DESI2: variants seen among roughly 807,000 people sequenced by gnomAD.
DESI2 encodes desumoylating isopeptidase 2.
In DESI2, 10 loss-of-function variants were observed where a neutral mutation model predicts 24.1. That is an observed-to-expected ratio of 0.41 (90% CI 0.26 to 0.70). DESI2 has a LOEUF of 0.70. DESI2 is among the 30% of genes least tolerant of loss of function. The pLI, the probability that DESI2 is intolerant of heterozygous loss-of-function variation, is 0.29. For missense variants in DESI2, 122 were observed against 234.9 expected, an observed-to-expected ratio of 0.52 and a Z score of 3.14; for synonymous variants, 71 against 87.7, an observed-to-expected ratio of 0.81 and a Z score of 1.06.
In DESI2 at chr1:244,691,918, T is replaced by A. The variant is rs777337429; in HGVS notation, c.249T>A (p.Asp83Glu). The A allele has an allele frequency of 2.5e-6, 4 of 1,600,102 alleles. No individual in the cohort carries two copies. The highest frequency in any genetic ancestry group is 2.5e-6 in the Non-Finnish European group (3 of 1,177,092). Reference sequence around the variant, plus strand: ...TAGGGAGCACGGACTTCCTAGAAGATGATATAGAAAAAATTGTAGAAGAAC... The same window carrying A: ...TAGGGAGCACGGACTTCCTAGAAGAAGATATAGAAAAAATTGTAGAAGAAC... Reference protein sequence around the residue: ...VVLGSTDFLEDDIEKIVEELG... With the variant: ...VVLGSTDFLEEDIEKIVEELG... The change falls in exon 4 of 5, where the codon GAT (aspartate) becomes GAA (glutamate). Residue 83 changes from aspartate (D) to glutamate (E), a missense_variant. Coordinates refer to ENST00000302550, the MANE Select transcript of DESI2 (RefSeq NM_016076.5).
At chr1:244,697,647 A>C (rs1336987485) in intron 4 of DESI2, among the ~76,000 whole-genome samples, 1 of 151,944 alleles carries the variant, frequency 6.6e-6, no homozygotes, top group Non-Finnish European at 1.5e-5. Context: ...GATAGATCCA[A>C]CTCCAGGAGA....
intron 4 of DESI2, chr1:244,694,530 C>T: frequency 3.9e-6 from 3 of 774,462 alleles, no homozygotes; most frequent in Non-Finnish European, 7.1e-6. Flanking sequence ...TTTTAGGTGC[C>T]TCATTCGACC....
At chr1:244,677,230 C>A (rs1226939626) in intron 1 of DESI2, among the ~76,000 whole-genome samples, 1 of 152,104 alleles carries the variant, frequency 6.6e-6, no homozygotes, top group Non-Finnish European at 1.5e-5. Flanking sequence ...CTAGTTCATT[C>A]TTTTCTCATT....
chr1:244,695,766 T>A (rs1005847448), intron 4 of DESI2, among the ~76,000 whole-genome samples: 71 of 152,296 alleles, frequency 4.7e-4, no homozygotes, highest in African/African-American at 1.6e-3. Context: ...AGCCCCAAAT[T>A]GTTTTGAAAC....
intron 1 of DESI2, among the ~76,000 whole-genome samples, chr1:244,671,572 T>C (rs1676246085): frequency 6.6e-6 from 1 of 152,232 alleles, no homozygotes; most frequent in South Asian, 2.1e-4. Context: ...TAGGGCTTTA[T>C]TTGGATAAAA....
intron 4 of DESI2, among the ~76,000 whole-genome samples, chr1:244,704,852 G>A (rs981161943): frequency 1.5e-4 from 23 of 152,144 alleles, no homozygotes; most frequent in Non-Finnish European, 3.4e-4. Context: ...TAGAGACAGG[G>A]TTTCACCATA....
Position 244,689,166 on chromosome 1 carries a change from ATCC to A in DESI2, c.116-80_116-78del. 2 of 742,658 alleles carry A rather than the reference ATCC, an allele frequency of 2.7e-6. No homozygotes were observed. The highest frequency in any genetic ancestry group is 3.2e-5 in the South Asian group (2 of 62,354). 46.0% of individuals were successfully genotyped at this position (742,658 alleles called of 1,614,324 possible). On this transcript the variant is annotated intron_variant, in intron 2 of 4. Transcript: ENST00000302550. This position sits in a 1 kb window ranked among gnomAD's most constrained non-coding sequence, Gnocchi z 4.0. Reference sequence around the variant, plus strand: ...AAAATATTTAGATGGTGTCACTGTTATCCTCAATTATTAAAGCTAATTCAGCAT... The same window carrying A: ...AAAATATTTAGATGGTGTCACTGTTATCAATTATTAAAGCTAATTCAGCAT...
intron 1 of DESI2, among the ~76,000 whole-genome samples, chr1:244,659,205 G>A (rs1475888943): frequency 6.6e-6 from 1 of 150,976 alleles, no homozygotes; most frequent in Non-Finnish European, 1.5e-5. Flanking sequence ...GAAGGGGGTG[G>A]GGGAAGCTAG....
At chr1:244,665,979 G>C (rs1676030388) in intron 1 of DESI2, among the ~76,000 whole-genome samples, 1 of 152,150 alleles carries the variant, frequency 6.6e-6, no homozygotes, top group Non-Finnish European at 1.5e-5. Context: ...GCTGAATAGG[G>C]CTAGAGAAAA....
In DESI2 at chr1:244,686,483, G is replaced by A. The variant is rs922113087; in HGVS notation, c.43-114G>A. 5.7e-6 allele frequency: 4 copies of A among 698,838 alleles called. No homozygotes were observed. In the African/African-American group the frequency reaches 7.0e-5, roughly 12 times the overall value. The allele number at this position is 698,838 out of a possible 1,614,324, so 43.3% of individuals were successfully genotyped here. A position where few individuals can be genotyped will look rare whatever the true frequency, so the allele number is the denominator to read the frequency against. ...CAGAGCCACAGAGACAGGACCACTG[G>A]ATCGTTATCATGGGAGTTTCAGAGT... On this transcript the variant is annotated intron_variant, in intron 1 of 4. Coordinates refer to ENST00000302550, the MANE Select transcript of DESI2 (RefSeq NM_016076.5).
chr1:244,660,462 G>A (rs548904880), intron 1 of DESI2, among the ~76,000 whole-genome samples: 68 of 152,250 alleles, frequency 4.5e-4, no homozygotes, highest in Middle Eastern at 6.8e-3. Flanking sequence ...CACCGCACCC[G>A]GTCGGATTTT....
intron 4 of DESI2, among the ~76,000 whole-genome samples, chr1:244,701,703 A>G (rs1677471629): frequency 6.6e-6 from 1 of 152,162 alleles, no homozygotes; most frequent in Non-Finnish European, 1.5e-5. Context: ...CTGTTCCACT[A>G]TTATATTTTG....
intron 1 of DESI2, among the ~76,000 whole-genome samples, chr1:244,680,058 G>T (rs1313235081): frequency 3.5e-5 from 5 of 141,382 alleles, no homozygotes; most frequent in Non-Finnish European, 3.0e-5. Flanking sequence ...CTAGGATCCA[G>T]TCGAGGTTCA....
chr1:244,660,486 T>C (rs1675804883), intron 1 of DESI2, among the ~76,000 whole-genome samples: 1 of 152,188 alleles, frequency 6.6e-6, no homozygotes, highest in Non-Finnish European at 1.5e-5. Flanking sequence ...TAAGATGGGA[T>C]GTACTTACAC....
intron 4 of DESI2, among the ~76,000 whole-genome samples, chr1:244,702,402 T>C (rs1296437708): frequency 6.6e-6 from 1 of 152,138 alleles, no homozygotes; most frequent in Non-Finnish European, 1.5e-5. Context: ...TGATCCCATC[T>C]ACTCGGGAGG....
At chr1:244,702,761 CAG>C (rs1035120511) in intron 4 of DESI2, among the ~76,000 whole-genome samples, 18 of 152,112 alleles carry the variant, frequency 1.2e-4, no homozygotes, top group South Asian at 2.1e-4. Flanking sequence ...GCCACACCCT[CAG>C]GGGTTGGAAT....
intron 1 of DESI2, among the ~76,000 whole-genome samples, chr1:244,680,264 A>T (rs1676562528): frequency 6.6e-6 from 1 of 152,138 alleles, no homozygotes; most frequent in African/African-American, 2.4e-5. Flanking sequence ...CCTGGACAAC[A>T]TGATGAAACC....
At chr1:244,703,000 C>CTTTTTTTTT (rs72210181) in intron 4 of DESI2, among the ~76,000 whole-genome samples, 6 of 131,604 alleles carry the variant, frequency 4.6e-5, no homozygotes, top group Non-Finnish European at 6.4e-5. Flanking sequence ...TTTGCCAGCG[C>CTTTTTTTTT]TTTTTTTTTT....
At chr1:244,682,167 G>T (rs1485136434) in intron 1 of DESI2, among the ~76,000 whole-genome samples, 1 of 152,180 alleles carries the variant, frequency 6.6e-6, no homozygotes, top group African/African-American at 2.4e-5. Context: ...CGTGGAAGGG[G>T]ACCTGAGCAG....
Sources: gnomAD v4.1 joint callset for allele counts (sites outside exome capture counted in the v4.1 genomes callset) on GRCh38, gnomAD v4.1.1 for gene constraint, Gnocchi (gnomAD v3.1) non-coding constraint, MANE v1.5 for transcripts, NCBI Gene and HGNC (gene_info 2026-07-23, HGNC 2026-07-21) for gene names.